Variants in CNTN6 observed in about 807,000 individuals in gnomAD.
CNTN6 encodes contactin 6.
A neutral mutation model predicts 122.8 loss-of-function variants in CNTN6; 137 were observed. The observed-to-expected ratio is 1.12, with a 90% confidence interval of 0.97 to 1.29. The LOEUF (loss-of-function observed/expected upper bound fraction) is 1.29, where lower values mean the gene tolerates loss of function less well. CNTN6 is among the 50% of genes most tolerant of loss of function. CNTN6 has a pLI of 0.00. For synonymous variants in CNTN6, 570 were observed against 426.0 expected (o/e 1.34, Z -4.16); for missense variants, 1,634 against 1,223.4 (o/e 1.34, Z -5.01).
At chr3:1,323,889 A>ATGGCACCTCCAGGCAGTTTCC (rs1701189775) in intron 8 of CNTN6, among the ~76,000 whole-genome samples, 2 of 150,778 alleles carry the variant, frequency 1.3e-5, no homozygotes, top group African/African-American at 5.0e-5. Flanking sequence ...CACGTTGAAT[A>ATGGCACCTCCAGGCAGTTTCC]AATAAATGTG....
rs765761562 is a variant in CNTN6, at chr3:1,373,613, G to A, written c.1796G>A (p.Gly599Asp). Residue 599 changes from glycine (G) to aspartate (D), a missense_variant, in exon 15 of 23, where the codon GGT becomes GAT. By Grantham distance (94) the Gly-to-Asp change is moderately conservative. Coordinates refer to ENST00000446702, the MANE Select transcript of CNTN6 (RefSeq NM_001289080.2). The part of the protein sequence containing the change: ...VADIIVRGPP[G>D]PPEDVQVEDI... ...AAACATTTTTTTCAAGGTCCACCAG[G>A]TCCTCCTGAGGATGTGCAAGTGGAA... The A allele has an allele frequency of 1.9e-6, 3 of 1,610,964 alleles. No homozygotes were observed. Among genetic ancestry groups the A allele is most frequent in the South Asian group, 2.2e-5 (2 of 90,798 alleles).
intron 3 of CNTN6, among the ~76,000 whole-genome samples, chr3:1,227,120 C>T (rs1245883923): frequency 3.3e-5 from 5 of 152,108 alleles, no homozygotes; most frequent in African/African-American, 1.2e-4. Context: ...AAATATAACT[C>T]TAAGACTCTT....
At chr3:1,385,269 TTGAC>T (rs1444446303) in intron 19 of CNTN6, among the ~76,000 whole-genome samples, 3 of 152,040 alleles carry the variant, frequency 2.0e-5, no homozygotes, top group Admixed American at 6.5e-5. Context: ...ATGAAAGTCT[TTGAC>T]TGATTATATA....
intron 4 of CNTN6, among the ~76,000 whole-genome samples, chr3:1,234,112 A>G (rs2094392530): frequency 6.6e-6 from 1 of 152,194 alleles, no homozygotes; most frequent in African/African-American, 2.4e-5. Context: ...GAAGACATTA[A>G]AAGGCAGGAC....
intron 17 of CNTN6, among the ~76,000 whole-genome samples, chr3:1,382,105 TAAA>T (rs5846113): frequency 4.1e-5 from 6 of 145,304 alleles, no homozygotes. Context: ...GAATATTTAT[TAAA>T]AAAAAAAAAG....
chr3:1,332,778 AG>A (rs1412906765), intron 11 of CNTN6, among the ~76,000 whole-genome samples: 2 of 152,090 alleles, frequency 1.3e-5, no homozygotes, highest in African/African-American at 4.8e-5. Context: ...GGTTTCTTCA[AG>A]CCTGTTCAGG....
rs775900859 is a variant in CNTN6, at chr3:1,295,632, C to A, written c.486C>A (p.Asn162Lys). The change falls in exon 6 of 23, where the codon AAC becomes AAA. Residue 162 changes from asparagine to lysine, a missense_variant. Asn to Lys is a moderately conservative substitution (Grantham distance 94). Transcript: ENST00000446702. ...DLSYAWTFND[N>K]PLYVQEDNRR... ...CTTATGCATGGACCTTCAATGATAA[C>A]CCCTTATACGTCCAAGAGGACAATA... is the stretch of plus-strand genomic sequence containing the variant. 1.9e-6 allele frequency: 3 copies of A among 1,613,762 alleles called. No homozygotes were observed. The highest frequency in any genetic ancestry group is 1.1e-5 in the South Asian group (1 of 91,082).
chr3:1,258,016 T>A (rs1371073997), intron 4 of CNTN6, among the ~76,000 whole-genome samples: 2 of 152,152 alleles, frequency 1.3e-5, no homozygotes, highest in Non-Finnish European at 2.9e-5. Context: ...TTTATTTGGC[T>A]ATATGTTTGC....
chr3:1,272,881 T>C (rs1265281054), intron 4 of CNTN6, among the ~76,000 whole-genome samples: 1 of 152,204 alleles, frequency 6.6e-6, no homozygotes, highest in South Asian at 2.1e-4. Flanking sequence ...CAATTAGATG[T>C]TACAATACTT....
intron 4 of CNTN6, among the ~76,000 whole-genome samples, chr3:1,241,410 G>C (rs1014122050): frequency 1.3e-5 from 2 of 151,996 alleles, no homozygotes; most frequent in Admixed American, 6.6e-5. Context: ...TAAGCTGAAG[G>C]GAGGTCTTGT....
chr3:1,350,402 T>C (rs1235892982), intron 11 of CNTN6, among the ~76,000 whole-genome samples: 1 of 151,896 alleles, frequency 6.6e-6, no homozygotes, highest in Admixed American at 6.6e-5. Flanking sequence ...TAATTAGATA[T>C]AACTTCATTC....
intron 4 of CNTN6, among the ~76,000 whole-genome samples, chr3:1,245,242 AC>A (rs1559596180): frequency 1.4e-4 from 2 of 13,968 alleles, no homozygotes; most frequent in African/African-American, 5.5e-4. Flanking sequence ...ATATACACAC[AC>A]ACATATATAT....
At chr3:1,265,011 G>T (rs2094904651) in intron 4 of CNTN6, among the ~76,000 whole-genome samples, 1 of 141,744 alleles carries the variant, frequency 7.1e-6, no homozygotes, top group Non-Finnish European at 1.5e-5. Flanking sequence ...TGTCCTCCAG[G>T]TTCATCCATG....
At chr3:1,236,431 T>G (rs1033158313) in intron 4 of CNTN6, among the ~76,000 whole-genome samples, 1 of 152,078 alleles carries the variant, frequency 6.6e-6, no homozygotes, top group Non-Finnish European at 1.5e-5. Context: ...CACTCCTCAG[T>G]ATCAATCAGA....
chr3:1,247,314 T>C (rs1356846689), intron 4 of CNTN6, among the ~76,000 whole-genome samples: 1 of 152,176 alleles, frequency 6.6e-6, no homozygotes, highest in Non-Finnish European at 1.5e-5. Context: ...GAATTAAATC[T>C]GCATGCCTGC....
chr3:1,382,797 TAA>T (rs920163257), intron 17 of CNTN6, 143 bp from the exon 18 acceptor site: 6 of 583,024 alleles, frequency 1.0e-5, no homozygotes, highest in Admixed American at 3.5e-5. Context: ...GCATTCCAAA[TAA>T]AAGTGTTTTT....
chr3:1,308,882 C>T (rs1698789204), intron 7 of CNTN6, among the ~76,000 whole-genome samples: 1 of 152,088 alleles, frequency 6.6e-6, no homozygotes, highest in Non-Finnish European at 1.5e-5. Context: ...TCTCTAACGG[C>T]AAAGGATGTG....
chr3:1,347,353 A>T (rs1208070798), intron 11 of CNTN6, among the ~76,000 whole-genome samples: 1 of 152,126 alleles, frequency 6.6e-6, no homozygotes, highest in Non-Finnish European at 1.5e-5. Flanking sequence ...ATTTGGGGAA[A>T]ATTTTTCTAT....
intron 1 of CNTN6, among the ~76,000 whole-genome samples, chr3:1,144,483 G>C: frequency 6.6e-6 from 1 of 151,956 alleles, no homozygotes; most frequent in Non-Finnish European, 1.5e-5. Flanking sequence ...GCTGAGGCAG[G>C]AGAATCACTT....
Sources: allele counts gnomAD v4.1 joint callset (sites outside exome capture counted in the v4.1 genomes callset), GRCh38; gene constraint gnomAD v4.1.1; transcripts MANE v1.5; gene names NCBI Gene and HGNC (gene_info 2026-07-23, HGNC 2026-07-21).